The following SPTB variants were observed in gnomAD, a reference collection of about 807,000 sequenced individuals.
The protein encoded by SPTB is spectrin beta chain, erythrocytic.
In SPTB, 45 loss-of-function variants were observed where a neutral mutation model predicts 256.2. The ratio of observed to expected loss-of-function variants is 0.18; its 90% CI spans 0.14 to 0.23. The LOEUF (loss-of-function observed/expected upper bound fraction) is 0.23. Ranked by LOEUF, SPTB falls within the 10% of genes least tolerant of loss-of-function variation. SPTB has a pLI of 1.00. For synonymous variants in SPTB, 1,231 were observed against 1,243.1 expected (o/e 0.99, Z 0.21); for missense variants, 2,715 against 3,040.4 (o/e 0.89, Z 2.52).
At position 64,779,047 on chromosome 14, in the gene SPTB, A is replaced by T. The variant is rs967173702; in HGVS notation, c.4563+110T>A. ...AGACCCCAAAGCTACCAACAAGAAC[A>T]ATAATCTGCTGTTGCTAGCCTTCTG... On this transcript the variant is annotated intron_variant, in intron 22 of 35. Transcript: ENST00000644917. The surrounding 1 kb of genome is among the most constrained non-coding windows in gnomAD (Gnocchi z 4.2). 22 of 817,844 alleles carry T rather than the reference A, an allele frequency of 2.7e-5. No homozygotes were observed. In the South Asian group the frequency reaches 3.2e-4, roughly 12 times the overall value. 50.7% of individuals were successfully genotyped at this position (817,844 alleles called of 1,614,324 possible).
chr14:64,746,960 C>G lies in SPTB; in HGVS notation c.*2346G>C, dbSNP rs907598253. On this transcript the variant is annotated 3_prime_UTR_variant, in exon 36 of 36. Coordinates refer to ENST00000644917, the MANE Select transcript of SPTB (RefSeq NM_001355436.2). This position sits in a 1 kb window ranked among gnomAD's most constrained non-coding sequence, Gnocchi z 4.9. ...CCCTGGTGTGGCACACACAGGGTCT[C>G]CCAAAGCTGGATGCCTGCATTTTCA... The G allele has an allele frequency of 6.6e-6, 1 of 152,064 alleles. No homozygotes were observed. Among genetic ancestry groups the G allele is most frequent in the Non-Finnish European group, 1.5e-5 (1 of 68,024 alleles). 9.4% of individuals were successfully genotyped at this position (152,064 alleles called of 1,614,324 possible). A position where few individuals can be genotyped will look rare whatever the true frequency, so the allele number is the denominator to read the frequency against.
At chr14:64,754,126 G>A in intron 32 of SPTB, 1 of 442,642 alleles carries the variant, frequency 2.3e-6, no homozygotes, top group South Asian at 2.2e-5. Flanking sequence ...AAAGGGGTGT[G>A]AGGGGGGGCA....
At chr14:64,752,688 G>A (rs1262494656) in intron 33 of SPTB, among the ~76,000 whole-genome samples, 4 of 152,188 alleles carry the variant, frequency 2.6e-5, no homozygotes, top group Non-Finnish European at 4.4e-5. Context: ...CTCCATTTAA[G>A]CAATAAATAA....
At position 64,826,862 on chromosome 14, in the gene SPTB, T is replaced by C. The variant is rs2083384472; in HGVS notation, c.-51-3717A>G. On this transcript the variant is annotated intron_variant, in intron 1 of 35. Transcript: ENST00000644917. The surrounding 1 kb of genome is among the most constrained non-coding windows in gnomAD (Gnocchi z 4.4). ...CACCGACCCCAGGCTATATTTTGAG[T>C]AGGATGGGACCTGAGAAGGCTTGCC... 6.6e-6 allele frequency among the ~76,000 whole-genome samples: 1 copy of C among 152,070 alleles called. No homozygotes were observed. The highest frequency in any genetic ancestry group is 1.5e-5 in the Non-Finnish European group (1 of 68,004).
rs759127935 is a variant in SPTB, at chr14:64,800,805, T to C, written c.827A>G (p.Tyr276Cys). ...IITYVVAFYH[Y>C]FSKMKVLAVE... is the part of the protein sequence containing the mutation. ...TGCCAGCACCTTCATCTTGGAGAAG[T>C]AGTGGTAAAAGGCCACCACATAGGT... is the stretch of plus-strand genomic sequence containing the variant. Residue 276 changes from tyrosine to cysteine, a missense_variant, in exon 8 of 36, where the codon TAC becomes TGC. Physicochemically the swap from Tyr to Cys is radical, Grantham distance 194 (BLOSUM62 -2). Coordinates refer to ENST00000644917, the MANE Select transcript of SPTB (RefSeq NM_001355436.2). 5 of 1,614,084 alleles carry C rather than the reference T, an allele frequency of 3.1e-6. No individual in the cohort carries two copies. The Admixed American group carries it at 5.0e-5, about 16-fold the overall frequency.
chr14:64,753,436 C>T (rs1222465916), intron 33 of SPTB, 101 bp downstream of exon 33: 3 of 1,580,510 alleles, frequency 1.9e-6, no homozygotes, highest in Non-Finnish European at 2.6e-6. Context: ...CAGAAGGCAC[C>T]CCTCCCCCAG....
rs748286261 is a variant in SPTB, at chr14:64,772,680, C to T, written c.5453G>A (p.Arg1818His). The T allele has an allele frequency of 5.3e-5, 85 of 1,613,556 alleles. No individual in the cohort carries two copies. The East Asian group carries it at 6.7e-4, about 13-fold the overall frequency. Residue 1818 changes from arginine to histidine, a missense_variant, in exon 26 of 36, where the codon CGC becomes CAC. This residue lies in a region of SPTB where 2,239 missense variants were observed against 2,384.4 expected (regional missense o/e 0.94). Transcript: ENST00000644917. This position sits in a 1 kb window ranked among gnomAD's most constrained non-coding sequence, Gnocchi z 5.4. Reference protein sequence around the residue: ...EILGLIDEKHRELPEDVGLDA... With the variant: ...EILGLIDEKHHELPEDVGLDA... ...CAGCCCCACGTCCTCGGGCAGCTCG[C>T]GGTGCTTCTCGTCGATGAGGCCCAG...
chr14:64,875,898 C>A (rs1299239393), intron 1 of SPTB, among the ~76,000 whole-genome samples: 1 of 152,150 alleles, frequency 6.6e-6, no homozygotes, highest in East Asian at 1.9e-4. Flanking sequence ...ATCTGTAGGT[C>A]TCAGGTTATT....
Position 64,767,367 on chromosome 14 carries a change from G to A in SPTB, c.6220-15C>T, listed in dbSNP as rs764205210. 1 of 1,613,586 alleles carries A rather than the reference G, an allele frequency of 6.2e-7. No homozygotes were observed. The highest frequency in any genetic ancestry group is 1.1e-5 in the South Asian group (1 of 91,084). On this transcript the variant is annotated splice_polypyrimidine_tract_variant and intron_variant, in intron 30 of 35. Transcript: ENST00000644917. ...TTCAGCTCAAGCTAGAGGAGGAGAAGGCCCAGGGGTCAGAGCAGCCACAGA... is the reference window on the plus strand; with the variant it reads ...TTCAGCTCAAGCTAGAGGAGGAGAAAGCCCAGGGGTCAGAGCAGCCACAGA...
intron 1 of SPTB, among the ~76,000 whole-genome samples, chr14:64,831,429 C>A (rs188725687): frequency 6.6e-6 from 1 of 152,140 alleles, no homozygotes; most frequent in African/African-American, 2.4e-5. Flanking sequence ...GTAGTGAAAA[C>A]CTAAAAAGCT....
chr14:64,793,406 C>T lies in SPTB; in HGVS notation c.2257G>A (p.Asp753Asn), dbSNP rs1475445478. The change falls in exon 14 of 36, where the codon GAT becomes AAT. Residue 753 changes from aspartate (D) to asparagine (N), a missense_variant. Around this residue, in one of 4 missense-constraint regions of SPTB, gnomAD observed 2,239 missense variants for 2,384.4 expected, o/e 0.94. Transcript: ENST00000644917. The surrounding 1 kb of genome is among the most constrained non-coding windows in gnomAD (Gnocchi z 7.0). ...ENFFQFQGDA[D>N]DLKAWLQDAH... The stretch of plus-strand genomic sequence containing the variant: ...TCTTGCAGCCAAGCCTTCAGGTCAT[C>T]CGCATCGCCCTGGAACTGGAAAAAG... 2 of 1,613,526 alleles carry T rather than the reference C, an allele frequency of 1.2e-6. No individual in the cohort carries two copies. The highest frequency in any genetic ancestry group is 1.7e-6 in the Non-Finnish European group (2 of 1,180,032).
In SPTB at chr14:64,754,040, GC is replaced by G. The variant is rs563942089; in HGVS notation, c.6346-248del. 6.1e-4 allele frequency: 370 copies of G among 608,760 alleles called. 1 individual carries two copies. The highest frequency in any genetic ancestry group is 6.0e-3 in the African/African-American group (326 of 54,400). 37.7% of individuals were successfully genotyped at this position (608,760 alleles called of 1,614,324 possible). A position where few individuals can be genotyped will look rare whatever the true frequency, so the allele number is the denominator to read the frequency against. ...TCTCCCTTCAGAGAGCTGCAGGGTG[GC>G]CCCCTCTCTCCAATGTAACATAGCA... On this transcript the variant is annotated intron_variant, in intron 32 of 35. Transcript: ENST00000644917.
intron 8 of SPTB, among the ~76,000 whole-genome samples, chr14:64,800,418 G>A (rs2082861068): frequency 6.6e-6 from 1 of 152,234 alleles, no homozygotes; most frequent in Admixed American, 6.5e-5. Context: ...GTGAGTTTCT[G>A]GTACACTGTG....
At chr14:64,770,244 G>C (rs1018469420) in intron 27 of SPTB, among the ~76,000 whole-genome samples, 1 of 152,218 alleles carries the variant, frequency 6.6e-6, no homozygotes, top group Non-Finnish European at 1.5e-5. Context: ...TGTGGGGATA[G>C]TTGTGTAACA....
chr14:64,820,537 T>G lies in SPTB; in HGVS notation c.148+2410A>C, dbSNP rs559827278. On this transcript the variant is annotated intron_variant, in intron 2 of 35. Coordinates refer to ENST00000644917, the MANE Select transcript of SPTB (RefSeq NM_001355436.2). ...GTTCTGAATAGTTAAGGCCCAGGCA[T>G]ACAATTCTATGCTCTGTGGCTTTTC... is the stretch of plus-strand genomic sequence containing the variant. Among the ~76,000 whole-genome samples the G allele has an allele frequency of 2.6e-5, 4 of 152,362 alleles. No individual in the cohort carries two copies. The South Asian group carries it at 8.3e-4, about 32-fold the overall frequency.
At chr14:64,808,056 AGGCTGGAGTGCAGC>A (rs2083018712) in intron 2 of SPTB, among the ~76,000 whole-genome samples, 1 of 152,186 alleles carries the variant, frequency 6.6e-6, no homozygotes, top group African/African-American at 2.4e-5. Flanking sequence ...CTCTGTTGCC[AGGCTGGAGTGCAGC>A]GGCGCAATCT....
At chr14:64,798,850 G>C (rs1182266453) in intron 9 of SPTB, among the ~76,000 whole-genome samples, 1 of 152,228 alleles carries the variant, frequency 6.6e-6, no homozygotes, top group Non-Finnish European at 1.5e-5. Context: ...GGGAAGAGCA[G>C]AGCAGAAGGT....
intron 1 of SPTB, among the ~76,000 whole-genome samples, chr14:64,865,840 C>T (rs533089667): frequency 1.3e-4 from 20 of 152,340 alleles, no homozygotes; most frequent in East Asian, 7.7e-4. Context: ...CTTCACTCCC[C>T]GTACCTGCAA....
intron 15 of SPTB, 102 bp from the exon 16 acceptor site, chr14:64,787,262 C>A: frequency 2.0e-6 from 3 of 1,466,078 alleles, no homozygotes; most frequent in Non-Finnish European, 2.8e-6. Context: ...CACAAGTCTC[C>A]CCCCACAGAC....
Sources: gnomAD v4.1 joint callset for allele counts (sites outside exome capture counted in the v4.1 genomes callset) on GRCh38, gnomAD v4.1.1 for gene constraint, gnomAD v4.1.1 regional missense constraint, Gnocchi (gnomAD v3.1) non-coding constraint, MANE v1.5 for transcripts, NCBI Gene and HGNC (gene_info 2026-07-23, HGNC 2026-07-21) for gene names.